The following SMS variants were observed in gnomAD, a reference collection of about 807,000 sequenced individuals.
The protein encoded by SMS is spermidine aminopropyltransferase.
A neutral mutation model predicts 33.0 loss-of-function variants in SMS; 3 were observed. The observed-to-expected ratio is 0.09, with a 90% CI of 0.04 to 0.23. SMS has a LOEUF of 0.23. Ranked by LOEUF, SMS falls within the 10% of genes least tolerant of loss-of-function variation. SMS has a pLI of 1.00. For synonymous variants in SMS, 103 were observed against 112.2 expected (o/e 0.92, Z 0.52); for missense variants, 117 against 288.6 (o/e 0.41, Z 4.31).
intron 9 of SMS, 133 bp downstream of exon 9, chrX:21,985,356 A>C: frequency 2.2e-6 from 1 of 458,375 alleles, no homozygotes. Flanking sequence ...TTCAAACAGT[A>C]AGCTTCTACG....
intron 7 of SMS, among the ~76,000 whole-genome samples, chrX:21,979,860 C>A (rs1327325421): frequency 2.8e-5 from 3 of 107,429 alleles, no homozygotes; most frequent in Non-Finnish European, 5.7e-5. Context: ...TCCTCTCCAG[C>A]ATCTGTTGCT....
At position 21,994,565 on chromosome X, in the gene SMS, G is replaced by T. The variant is rs1418040115; in HGVS notation, c.*214G>T. On this transcript the variant is annotated 3_prime_UTR_variant, in exon 11 of 11. Coordinates refer to ENST00000404933, the MANE Select transcript of SMS (RefSeq NM_004595.5). ...TTGAAAGTCAGCTGAAGGATGGTTA[G>T]ACAGCACAGCGAAGACTGCTAAATG... 1.9e-6 allele frequency: 2 copies of T among 1,028,405 alleles called. No homozygotes were observed. The highest frequency in any genetic ancestry group is 3.7e-5 in the East Asian group (1 of 27,277). The allele number at this position is 1,028,405 out of a possible 1,213,427, so 84.8% of individuals were successfully genotyped here. A position where few individuals can be genotyped will look rare whatever the true frequency, so the allele number is the denominator to read the frequency against.
chrX:21,957,441 C>T (rs1427212894), intron 1 of SMS, among the ~76,000 whole-genome samples: 2 of 110,800 alleles, frequency 1.8e-5, no homozygotes, highest in African/African-American at 3.3e-5. Flanking sequence ...GGGCTACAGG[C>T]GCCTGCCACC....
rs138106897 is a variant in SMS, at chrX:21,973,266, G to A, written c.329+695G>A. ...GCCTGACCAACATGGGTGAAACCCC[G>A]TCTCTACTAAAAATAGAAAAAGTAG... On this transcript the variant is annotated intron_variant, in intron 4 of 10. Coordinates refer to ENST00000404933, the MANE Select transcript of SMS (RefSeq NM_004595.5). Among the ~76,000 whole-genome samples, 336 of 112,310 alleles carry A rather than the reference G, an allele frequency of 3.0e-3. 1 individual carries two copies. The highest frequency in any genetic ancestry group is 0.01 in the African/African-American group (316 of 30,943).
intron 1 of SMS, among the ~76,000 whole-genome samples, chrX:21,944,960 CAGAG>C (rs1318636359): frequency 2.7e-5 from 3 of 112,065 alleles, no homozygotes; most frequent in South Asian, 7.4e-4. Context: ...GCCTGGGCGA[CAGAG>C]AGACTGTGTG....
intron 10 of SMS, among the ~76,000 whole-genome samples, chrX:21,993,941 C>G (rs113827518): frequency 1.9e-5 from 2 of 107,941 alleles, no homozygotes; most frequent in Admixed American, 1.0e-4. Flanking sequence ...CTTCCCTCCC[C>G]CTTCTCTCCC....
At chrX:21,986,609 T>C (rs1000582970) in intron 9 of SMS, among the ~76,000 whole-genome samples, 4 of 112,088 alleles carry the variant, frequency 3.6e-5, no homozygotes, top group African/African-American at 1.3e-4. Context: ...GCAAAATTGT[T>C]CAGAGGCTTT....
chrX:21,943,700 C>T (rs189522112), intron 1 of SMS, among the ~76,000 whole-genome samples: 3 of 110,836 alleles, frequency 2.7e-5, no homozygotes, highest in African/African-American at 9.9e-5. Flanking sequence ...GTGTTCTGGG[C>T]GTAAGAACTC....
chrX:21,962,668 A>T (rs902373387), intron 1 of SMS, among the ~76,000 whole-genome samples: 1 of 110,992 alleles, frequency 9.0e-6, no homozygotes, highest in Non-Finnish European at 1.9e-5. Context: ...ATTATTACTT[A>T]TTTTTTTGAA....
chrX:21,989,027 A>T (rs1323622900), intron 9 of SMS, among the ~76,000 whole-genome samples: 2 of 110,679 alleles, frequency 1.8e-5, no homozygotes, highest in Non-Finnish European at 3.8e-5. Flanking sequence ...TCTAGAAGCA[A>T]CCCATCTTTG....
chrX:21,991,624 G>T (rs1925766106), intron 9 of SMS, among the ~76,000 whole-genome samples: 2 of 112,496 alleles, frequency 1.8e-5, no homozygotes, highest in African/African-American at 6.5e-5. Context: ...GGGGAAAATT[G>T]TGCTAAGAGG....
At chrX:21,946,517 C>T (rs1451409307) in intron 1 of SMS, among the ~76,000 whole-genome samples, 1 of 111,722 alleles carries the variant, frequency 9.0e-6, no homozygotes, top group Admixed American at 9.5e-5. Context: ...AGGTTTTTTA[C>T]TTTTTGAGTG....
At chrX:21,965,913 G>C (rs185767306) in intron 1 of SMS, among the ~76,000 whole-genome samples, 1 of 111,384 alleles carries the variant, frequency 9.0e-6, no homozygotes, top group Non-Finnish European at 1.9e-5. Context: ...CCGAGATTGC[G>C]CCAATGCACT....
chrX:21,984,793 C>A (rs1449570923), intron 8 of SMS, among the ~76,000 whole-genome samples: 5 of 111,794 alleles, frequency 4.5e-5, no homozygotes, highest in Non-Finnish European at 7.5e-5. Context: ...ACAGCTAGTT[C>A]GTGTTTTTTT....
intron 7 of SMS, among the ~76,000 whole-genome samples, chrX:21,981,063 G>T (rs73195178): frequency 0.1 from 11,262 of 111,616 alleles, 499 homozygotes; most frequent in Non-Finnish European, 0.14. Flanking sequence ...TGGCTCACCT[G>T]TAATCCCAGC....
intron 9 of SMS, among the ~76,000 whole-genome samples, chrX:21,989,344 C>T (rs1430569416): frequency 1.8e-5 from 2 of 111,171 alleles, no homozygotes; most frequent in African/African-American, 3.3e-5. Context: ...CTGAAGCTAT[C>T]GAATTTGGAT....
chrX:21,977,041 C>A lies in SMS; in HGVS notation c.330-20C>A. On this transcript the variant is annotated intron_variant, in intron 4 of 10. Transcript: ENST00000404933. ...GGCAGTGTTCTAGTAAGGTACATTT[C>A]TGTTTTTCTCTTTTTCCAGATTACC... 8.3e-7 allele frequency: 1 copy of A among 1,198,924 alleles called. No individual in the cohort carries two copies. Among genetic ancestry groups the A allele is most frequent in the East Asian group, 3.0e-5 (1 of 33,820 alleles).
chrX:21,956,758 G>A (rs750081298), intron 1 of SMS, among the ~76,000 whole-genome samples: 6 of 111,903 alleles, frequency 5.4e-5, no homozygotes, highest in South Asian at 3.7e-4. Flanking sequence ...GTGAGCCACC[G>A]TGCCCGGTGT....
At chrX:21,946,344 G>A (rs1463828206) in intron 1 of SMS, among the ~76,000 whole-genome samples, 1 of 112,244 alleles carries the variant, frequency 8.9e-6, no homozygotes, top group Non-Finnish European at 1.9e-5. Context: ...AAACAAAAGC[G>A]GCTCTTTGAA....
Sources: gnomAD v4.1 joint callset for allele counts (sites outside exome capture counted in the v4.1 genomes callset) on GRCh38, gnomAD v4.1.1 for gene constraint, MANE v1.5 for transcripts, NCBI Gene and HGNC (gene_info 2026-07-23, HGNC 2026-07-21) for gene names.